Variants in UTRN observed in about 807,000 individuals in gnomAD.
UTRN encodes the protein dystrophin-related protein 1.
In UTRN, 283 loss-of-function variants were observed where a neutral mutation model predicts 463.9. The observed-to-expected ratio is 0.61, with a 90% confidence interval of 0.55 to 0.67. The LOEUF is 0.67. Among genes scored for constraint, UTRN ranks in the 30% least tolerant of loss-of-function variants. UTRN has a pLI of 0.00. For missense variants in UTRN, 3,922 were observed against 4,084.3 expected (o/e 0.96, Z 1.08); for synonymous variants, 1,442 against 1,431.5 (o/e 1.01, Z -0.17).
intron 51 of UTRN, among the ~76,000 whole-genome samples, chr6:144,649,895 CAG>C (rs1307173137): frequency 6.6e-6 from 1 of 152,000 alleles, no homozygotes; most frequent in Admixed American, 6.6e-5. Context: ...CTGGAGAATA[CAG>C]AGAGACTGGA....
intron 27 of UTRN, among the ~76,000 whole-genome samples, chr6:144,483,571 T>G (rs1205771515): frequency 2.6e-5 from 4 of 152,108 alleles, no homozygotes; most frequent in Non-Finnish European, 4.4e-5. Context: ...GCTTCCTGAG[T>G]AGCTATGACT....
intron 74 of UTRN, among the ~76,000 whole-genome samples, chr6:144,850,140 C>A (rs1471810842): frequency 6.6e-6 from 1 of 152,156 alleles, no homozygotes; most frequent in African/African-American, 2.4e-5. Context: ...CTGAAGAATC[C>A]AAATTTGAAT....
chr6:144,575,234 A>G lies in UTRN; in HGVS notation c.7290-1865A>G, dbSNP rs78326207. On this transcript the variant is annotated intron_variant, in intron 50 of 74. Transcript: ENST00000367545. ...GCCCATTTTTTAAAATGATATGTTA[A>G]AAAAAGATACTGCATCATTATAAAA... Among the ~76,000 whole-genome samples the G allele has an allele frequency of 2.4e-3, 369 of 152,322 alleles. 13 individuals are homozygous for G. In the East Asian group the frequency reaches 0.058, roughly 24 times the overall value.
chr6:144,387,663 C>T (rs933677137), intron 2 of UTRN, among the ~76,000 whole-genome samples: 3 of 152,162 alleles, frequency 2.0e-5, no homozygotes, highest in Admixed American at 2.0e-4. Context: ...ACCCACTGGA[C>T]AGGCAGGTGC....
chr6:144,436,263 A>G (rs1370651039), intron 10 of UTRN, 125 bp downstream of exon 10: 1 of 995,680 alleles, frequency 1.0e-6, no homozygotes, highest in Admixed American at 2.6e-5. Context: ...GGTTTATTTC[A>G]GGAACTGTGA....
chr6:144,443,110 A>G (rs1787333047), intron 13 of UTRN, among the ~76,000 whole-genome samples: 1 of 152,234 alleles, frequency 6.6e-6, no homozygotes, highest in Admixed American at 6.5e-5. Flanking sequence ...TATCTTTACA[A>G]GTCTTTAACA....
At chr6:144,571,514 C>T (rs1302479488) in intron 50 of UTRN, among the ~76,000 whole-genome samples, 1 of 152,116 alleles carries the variant, frequency 6.6e-6, no homozygotes, top group East Asian at 1.9e-4. Context: ...ATGCCATCAT[C>T]TTTCAATTCT....
chr6:144,375,512 C>T (rs186533109), intron 2 of UTRN, among the ~76,000 whole-genome samples: 113 of 152,274 alleles, frequency 7.4e-4, no homozygotes, highest in African/African-American at 2.6e-3. Flanking sequence ...ATCTCAAGAT[C>T]ATTTCACAGT....
intron 51 of UTRN, among the ~76,000 whole-genome samples, chr6:144,648,249 C>G (rs1355375896): frequency 6.6e-6 from 1 of 152,078 alleles, no homozygotes; most frequent in Admixed American, 6.6e-5. Flanking sequence ...AGTGAAAATA[C>G]ACCACTCATT....
At chr6:144,444,035 A>G (rs558746572) in intron 13 of UTRN, among the ~76,000 whole-genome samples, 4 of 152,350 alleles carry the variant, frequency 2.6e-5, no homozygotes, top group African/African-American at 9.6e-5. Flanking sequence ...AAAGATTCAG[A>G]GGATACAGTT....
chr6:144,374,739 C>T (rs921580598), intron 2 of UTRN, among the ~76,000 whole-genome samples: 1 of 151,604 alleles, frequency 6.6e-6, no homozygotes, highest in African/African-American at 2.4e-5. Flanking sequence ...GCCCCTGCCT[C>T]CCAAAGTGCT....
At chr6:144,372,692 C>T (rs1367092603) in intron 2 of UTRN, among the ~76,000 whole-genome samples, 1 of 151,858 alleles carries the variant, frequency 6.6e-6, no homozygotes, top group Non-Finnish European at 1.5e-5. Context: ...TTTGTAGAGA[C>T]GTGTTTCAGC....
At chr6:144,846,952 A>T in intron 74 of UTRN, 125 bp downstream of exon 74, 1 of 1,357,024 alleles carries the variant, frequency 7.4e-7, no homozygotes, top group African/African-American at 1.5e-5. Context: ...TTGACATTTA[A>T]ATGTTAGTTG....
chr6:144,649,370 A>G (rs796786619), intron 51 of UTRN, among the ~76,000 whole-genome samples: 2 of 152,344 alleles, frequency 1.3e-5, no homozygotes, highest in African/African-American at 4.8e-5. Flanking sequence ...CTCCAATACC[A>G]TTGCCGCTGG....
chr6:144,613,491 CTA>C (rs780086855), intron 51 of UTRN, among the ~76,000 whole-genome samples: 16 of 152,126 alleles, frequency 1.1e-4, no homozygotes, highest in South Asian at 1.0e-3. Context: ...ATGTGTACCA[CTA>C]TGGTTTTTCA....
intron 51 of UTRN, among the ~76,000 whole-genome samples, chr6:144,590,379 A>G (rs1313775207): frequency 6.6e-6 from 1 of 152,186 alleles, no homozygotes; most frequent in African/African-American, 2.4e-5. Context: ...GATTCTTAAC[A>G]GTACAAACGT....
At chr6:144,811,146 A>AAC (rs369867502) in intron 65 of UTRN, among the ~76,000 whole-genome samples, 19 of 152,110 alleles carry the variant, frequency 1.2e-4, no homozygotes, top group South Asian at 4.1e-4. Context: ...GCAAAAATAA[A>AAC]ACACACACAC....
chr6:144,699,957 C>T (rs773694058), intron 52 of UTRN, 130 bp from the exon 53 acceptor site: 5 of 620,418 alleles, frequency 8.1e-6, no homozygotes, highest in Non-Finnish European at 9.3e-6. Context: ...TACAAGGAGT[C>T]AGTCTCTTTT....
chr6:144,459,264 G>T lies in UTRN; in HGVS notation c.2617G>T (p.Asp873Tyr). The T allele has an allele frequency of 6.2e-7, 1 of 1,614,078 alleles. No individual in the cohort carries two copies. The highest frequency in any genetic ancestry group is 1.3e-5 in the African/African-American group (1 of 75,024). The change falls in exon 21 of 75, where the codon GAT becomes TAT. Residue 873 changes from aspartate (D) to tyrosine (Y), a missense_variant. By Grantham distance (160) the Asp-to-Tyr change is radical. Transcript: ENST00000367545. ...CCTGATGTCTCAGCCTTCTGCCCCAGATTTTGTCCAGCGGGGCTTCGATAG... is the reference window on the plus strand; with the variant it reads ...CCTGATGTCTCAGCCTTCTGCCCCATATTTTGTCCAGCGGGGCTTCGATAG... ...SALMSQPSAP[D>Y]FVQRGFDSFL... is the part of the protein sequence containing the mutation.
Sources: allele counts gnomAD v4.1 joint callset (sites outside exome capture counted in the v4.1 genomes callset), GRCh38; gene constraint gnomAD v4.1.1; transcripts MANE v1.5; gene names NCBI Gene and HGNC (gene_info 2026-07-23, HGNC 2026-07-21).